Variants in DLGAP4 observed in about 807,000 individuals in gnomAD.
DLGAP4 encodes DLG associated protein 4.
A neutral mutation model predicts 86.9 loss-of-function variants in DLGAP4; 18 were observed. The ratio of observed to expected loss-of-function variants is 0.21; its 90% CI spans 0.14 to 0.31. The LOEUF (loss-of-function observed/expected upper bound fraction) is 0.31, where lower values mean the gene tolerates loss of function less well. DLGAP4 is among the 10% of genes least tolerant of loss of function. DLGAP4 has a pLI of 1.00. For synonymous variants in DLGAP4, 548 were observed against 574.3 expected, an observed-to-expected ratio of 0.95 and a Z score of 0.65; for missense variants, 1,085 against 1,362.6, an observed-to-expected ratio of 0.80 and a Z score of 3.21.
rs895350432 is a variant in DLGAP4 at position 36,369,436 on chromosome 20, T to C, written c.-73+2161T>C. Among the ~76,000 whole-genome samples, 3 of 152,054 alleles carry C rather than the reference T, an allele frequency of 2.0e-5. No individual in the cohort carries two copies. In the South Asian group the frequency reaches 6.2e-4, roughly 32 times the overall value. ...GGTGAAACCCTGTCTCCACTAAAAATACAAAAATTAGCCAGGTGTGGTGGC... is the reference window on the plus strand; with the variant it reads ...GGTGAAACCCTGTCTCCACTAAAAACACAAAAATTAGCCAGGTGTGGTGGC... On this transcript the variant is annotated intron_variant, in intron 2 of 12. Coordinates refer to ENST00000339266, the MANE Select transcript of DLGAP4 (RefSeq NM_001365621.2).
At chr20:36,348,754 A>G (rs1163886229) in intron 1 of DLGAP4, among the ~76,000 whole-genome samples, 1 of 151,978 alleles carries the variant, frequency 6.6e-6, no homozygotes, top group Admixed American at 6.6e-5. Flanking sequence ...ACACTAAACA[A>G]ACAAATAACA....
chr20:36,526,119 G>A, intron 12 of DLGAP4, 113 bp downstream of exon 12: 3 of 1,505,268 alleles, frequency 2.0e-6, no homozygotes, highest in Non-Finnish European at 2.8e-6. Context: ...TCGTCTTTGA[G>A]CTGGGGTCTC....
intron 7 of DLGAP4, among the ~76,000 whole-genome samples, chr20:36,453,862 G>T (rs1039011790): frequency 3.3e-5 from 5 of 150,558 alleles, no homozygotes; most frequent in Admixed American, 2.0e-4. Flanking sequence ...GAACCCAGGA[G>T]GCGGAGGTTG....
intron 1 of DLGAP4, among the ~76,000 whole-genome samples, chr20:36,342,546 C>T (rs534295376): frequency 2.0e-5 from 3 of 152,268 alleles, no homozygotes; most frequent in South Asian, 2.1e-4. Flanking sequence ...GCAGCCACCC[C>T]GCTCAGTGGA....
At chr20:36,521,153 C>T (rs1357391884) in intron 10 of DLGAP4, among the ~76,000 whole-genome samples, 1 of 152,138 alleles carries the variant, frequency 6.6e-6, no homozygotes, top group Non-Finnish European at 1.5e-5. Context: ...CGGAGTTTTG[C>T]CATGTTGCCC....
intron 2 of DLGAP4, among the ~76,000 whole-genome samples, chr20:36,411,428 C>G (rs2032495436): frequency 6.6e-6 from 1 of 152,138 alleles, no homozygotes; most frequent in African/African-American, 2.4e-5. Flanking sequence ...TCAGTGCCAC[C>G]TTATTCTTTT....
intron 2 of DLGAP4, among the ~76,000 whole-genome samples, chr20:36,386,942 G>A (rs146640105): frequency 2.0e-5 from 3 of 152,146 alleles, no homozygotes; most frequent in African/African-American, 4.8e-5. Context: ...GCTGTAGCTC[G>A]TTCATTTTTT....
chr20:36,429,707 C>T (rs944241914), intron 2 of DLGAP4, among the ~76,000 whole-genome samples: 2 of 152,074 alleles, frequency 1.3e-5, no homozygotes, highest in African/African-American at 4.8e-5. Flanking sequence ...ATGCCCAGCC[C>T]ATGCCTCTTT....
intron 2 of DLGAP4, among the ~76,000 whole-genome samples, chr20:36,392,068 G>A (rs1001791715): frequency 1.2e-4 from 19 of 152,194 alleles, no homozygotes; most frequent in Non-Finnish European, 2.2e-4. Flanking sequence ...GCTTGGGGTC[G>A]TGTCCCGAAC....
At chr20:36,474,626 C>T (rs1394469725) in intron 7 of DLGAP4, among the ~76,000 whole-genome samples, 1 of 152,098 alleles carries the variant, frequency 6.6e-6, no homozygotes, top group Admixed American at 6.5e-5. Flanking sequence ...GGAGTGCAGA[C>T]CAAGGTGGGG....
At chr20:36,378,964 C>T (rs1228464886) in intron 2 of DLGAP4, among the ~76,000 whole-genome samples, 19 of 152,136 alleles carry the variant, frequency 1.2e-4, no homozygotes, top group Admixed American at 1.1e-3. Context: ...AAGATGGGCA[C>T]GCTTCCTGCC....
chr20:36,349,799 T>C (rs1335378403), intron 1 of DLGAP4, among the ~76,000 whole-genome samples: 2 of 152,206 alleles, frequency 1.3e-5, no homozygotes, highest in African/African-American at 4.8e-5. Context: ...AGTATCCCTG[T>C]TGGGATGATA....
intron 7 of DLGAP4, chr20:36,462,451 G>GCC: frequency 4.6e-6 from 7 of 1,532,310 alleles, no homozygotes; most frequent in Non-Finnish European, 6.1e-6. Flanking sequence ...GGGGCCCTTG[G>GCC]CCCCCCCTTG....
intron 7 of DLGAP4, among the ~76,000 whole-genome samples, chr20:36,480,063 C>G (rs1162253374): frequency 6.6e-6 from 1 of 152,152 alleles, no homozygotes; most frequent in Non-Finnish European, 1.5e-5. Flanking sequence ...ACAGGGCAAG[C>G]CGCATTATTC....
chr20:36,479,196 TC>T (rs2035075547), intron 7 of DLGAP4, among the ~76,000 whole-genome samples: 1 of 152,130 alleles, frequency 6.6e-6, no homozygotes, highest in South Asian at 2.1e-4. Context: ...GGACATATAG[TC>T]AAGACTTGTT....
intron 1 of DLGAP4, among the ~76,000 whole-genome samples, chr20:36,328,830 C>T (rs1293431295): frequency 1.3e-5 from 2 of 151,200 alleles, no homozygotes; most frequent in Non-Finnish European, 1.5e-5. Context: ...AGATGGAATA[C>T]AGTGGCGCGA....
chr20:36,432,396 C>G lies in DLGAP4; in HGVS notation c.679C>G (p.Leu227Val). Residue 227 changes from leucine (L) to valine (V), a missense_variant, in exon 3 of 13, where the codon CTG becomes GTG. Physicochemically the swap from Leu to Val is conservative, Grantham distance 32. This residue lies in a region of DLGAP4 where 1,082 missense variants were observed against 1,344.1 expected (regional missense o/e 0.81). Transcript: ENST00000339266. The surrounding 1 kb of genome is among the most constrained non-coding windows in gnomAD (Gnocchi z 6.5). ...CCGCAGCAGTGGCCCAGCCTCTGGG[C>G]TGATGACACTAGGCCGCCAGGCAGA... ...AFRSSGPASGLMTLGRQAERS... is the reference protein window; with the variant it reads ...AFRSSGPASGVMTLGRQAERS... The G allele has an allele frequency of 6.2e-7, 1 of 1,613,770 alleles. No homozygotes were observed. Among genetic ancestry groups the G allele is most frequent in the Non-Finnish European group, 8.5e-7 (1 of 1,180,040 alleles).
intron 2 of DLGAP4, among the ~76,000 whole-genome samples, chr20:36,375,513 C>T (rs8114729): frequency 9.9e-5 from 15 of 152,270 alleles, no homozygotes; most frequent in African/African-American, 1.9e-4. Context: ...GCTACAAGGA[C>T]GAATCAGAGC....
At chr20:36,381,210 C>A (rs1569479495) in intron 2 of DLGAP4, among the ~76,000 whole-genome samples, 1 of 152,166 alleles carries the variant, frequency 6.6e-6, no homozygotes. Flanking sequence ...GTGTTTTGGG[C>A]ACTGAACACA....
Sources: gnomAD v4.1 joint callset for allele counts (sites outside exome capture counted in the v4.1 genomes callset) on GRCh38, gnomAD v4.1.1 for gene constraint, gnomAD v4.1.1 regional missense constraint, Gnocchi (gnomAD v3.1) non-coding constraint, MANE v1.5 for transcripts, NCBI Gene and HGNC (gene_info 2026-07-23, HGNC 2026-07-21) for gene names.